Variants in CLCN3 observed in about 807,000 individuals in gnomAD.
The protein encoded by CLCN3 is Cl-/H+ antiporter 3.
Under a neutral mutation model 83.4 loss-of-function variants are expected in CLCN3, and 16 were observed. The observed-to-expected ratio is 0.19, with a 90% CI of 0.13 to 0.29. The LOEUF (loss-of-function observed/expected upper bound fraction) is 0.29, where lower values mean the gene tolerates loss of function less well. CLCN3 is among the 10% of genes least tolerant of loss of function. The probability of loss-of-function intolerance (pLI) is 1.00; values close to 1 mark genes in which losing one functional copy is unlikely to be tolerated. For missense variants in CLCN3, 544 were observed against 1,006.0 expected, an observed-to-expected ratio of 0.54 and a Z score of 6.21; for synonymous variants, 322 against 346.2, an observed-to-expected ratio of 0.93 and a Z score of 0.78.
At chr4:169,682,766 G>T (rs1166719132) in intron 3 of CLCN3, among the ~76,000 whole-genome samples, 1 of 152,190 alleles carries the variant, frequency 6.6e-6, no homozygotes, top group Non-Finnish European at 1.5e-5. Context: ...TTACTGGGAA[G>T]CATGGCAGTC....
chr4:169,708,339 C>T (rs1435395256), intron 11 of CLCN3, among the ~76,000 whole-genome samples: 1 of 152,086 alleles, frequency 6.6e-6, no homozygotes, highest in Non-Finnish European at 1.5e-5. Context: ...GAAAAAAGAT[C>T]CTACAGAGAA....
intron 2 of CLCN3, among the ~76,000 whole-genome samples, chr4:169,664,256 T>C (rs1283895129): frequency 2.6e-5 from 4 of 152,152 alleles, no homozygotes; most frequent in Non-Finnish European, 4.4e-5. Context: ...AAATAAAAGT[T>C]TGGGGTCTTA....
Position 169,720,796 on chromosome 4 carries a change from G to T in CLCN3, c.*799G>T, listed in dbSNP as rs1733609602. The T allele has an allele frequency of 6.6e-6, 1 of 152,628 alleles. No individual in the cohort carries two copies. The highest frequency in any genetic ancestry group is 2.1e-4 in the South Asian group (1 of 4,824). 9.5% of individuals were successfully genotyped at this position (152,628 alleles called of 1,614,324 possible). On this transcript the variant is annotated 3_prime_UTR_variant, in exon 13 of 13. Coordinates refer to ENST00000513761, the MANE Select transcript of CLCN3 (RefSeq NM_001829.4). ...AAGCGAGAACGAAATCTCTCATTGT[G>T]TGCCGTGTGGCTCAAAACCGAAAAC...
At chr4:169,679,981 C>T in intron 2 of CLCN3, 69 bp from the exon 3 acceptor site, 2 of 1,220,648 alleles carry the variant, frequency 1.6e-6, no homozygotes, top group Admixed American at 1.8e-5. Flanking sequence ...TAATGAATTT[C>T]TAAGAAGGTC....
chr4:169,664,599 A>G (rs184274406), intron 2 of CLCN3, among the ~76,000 whole-genome samples: 2 of 152,330 alleles, frequency 1.3e-5, no homozygotes, highest in African/African-American at 4.8e-5. Flanking sequence ...GAACAACTAA[A>G]GATTCTTTAT....
In CLCN3 at chr4:169,651,656, A is replaced by T. The variant is rs549975430; in HGVS notation, c.160+15568A>T. Among the ~76,000 whole-genome samples, 15 of 152,294 alleles carry T rather than the reference A, an allele frequency of 9.8e-5. No homozygotes were observed. The East Asian group carries it at 2.9e-3, about 29-fold the overall frequency. ...ACTGTATTGCTCAGGGAATCATGACAAGAAGAAGAAGCCTGTTCATGTTCA... is the reference window on the plus strand; with the variant it reads ...ACTGTATTGCTCAGGGAATCATGACTAGAAGAAGAAGCCTGTTCATGTTCA... On this transcript the variant is annotated intron_variant, in intron 2 of 12. Coordinates refer to ENST00000513761, the MANE Select transcript of CLCN3 (RefSeq NM_001829.4).
intron 1 of CLCN3, among the ~76,000 whole-genome samples, chr4:169,628,235 G>A (rs1773283378): frequency 6.6e-6 from 1 of 152,144 alleles, no homozygotes; most frequent in African/African-American, 2.4e-5. Flanking sequence ...AAAATTTTGG[G>A]GAGGTAGGGT....
chr4:169,713,357 T>A (rs1218013875), intron 12 of CLCN3, 62 bp downstream of exon 12: 14 of 1,315,666 alleles, frequency 1.1e-5, no homozygotes, highest in South Asian at 7.1e-5. Flanking sequence ...TTTAGTGGAA[T>A]CTATATAGTT....
chr4:169,687,840 G>T, intron 4 of CLCN3, 83 bp downstream of exon 4: 1 of 655,226 alleles, frequency 1.5e-6, no homozygotes. Context: ...TTTTTTTTCA[G>T]GTACCATTGG....
chr4:169,703,954 A>G, intron 9 of CLCN3, 44 bp from the exon 10 acceptor site: 1 of 1,571,616 alleles, frequency 6.4e-7, no homozygotes, highest in South Asian at 1.1e-5. Context: ...CAGGCATGTG[A>G]GTAGAGGATC....
chr4:169,697,286 G>C lies in CLCN3; in HGVS notation c.1115G>C (p.Ser372Thr). The C allele has an allele frequency of 6.2e-7, 1 of 1,613,930 alleles. No individual in the cohort carries two copies. The highest frequency in any genetic ancestry group is 8.5e-7 in the Non-Finnish European group (1 of 1,179,980). The part of the protein sequence containing the change: ...VLRSINPFGN[S>T]RLVLFYVEYH... ...AGGTCCATCAATCCATTTGGTAACA[G>C]CCGTCTGGTCCTTTTTTATGTGGAG... is the stretch of plus-strand genomic sequence containing the variant. Residue 372 changes from serine (S) to threonine (T), a missense_variant, in exon 9 of 13, where the codon AGC (serine) becomes ACC (threonine). Coordinates refer to ENST00000513761, the MANE Select transcript of CLCN3 (RefSeq NM_001829.4).
At chr4:169,629,642 A>G (rs915852053) in intron 1 of CLCN3, among the ~76,000 whole-genome samples, 9 of 152,192 alleles carry the variant, frequency 5.9e-5, no homozygotes, top group African/African-American at 2.2e-4. Flanking sequence ...AAGTGCCGAG[A>G]TTACAGCTGT....
chr4:169,666,387 A>T (rs1287690889), intron 2 of CLCN3, among the ~76,000 whole-genome samples: 2 of 152,220 alleles, frequency 1.3e-5, no homozygotes, highest in Non-Finnish European at 2.9e-5. Flanking sequence ...GTGGCATAAG[A>T]TGTCGGGAAC....
At chr4:169,717,964 T>C (rs1733488056) in intron 12 of CLCN3, 4 of 704,958 alleles carry the variant, frequency 5.7e-6, no homozygotes, top group Middle Eastern at 4.9e-4. Flanking sequence ...AGATATCTGC[T>C]GAACAAAAAT....
chr4:169,718,625 A>G (rs919579699), intron 12 of CLCN3, among the ~76,000 whole-genome samples: 6 of 152,198 alleles, frequency 3.9e-5, no homozygotes, highest in African/African-American at 1.4e-4. Context: ...AATTTGAATT[A>G]TCTTACTGCA....
intron 2 of CLCN3, among the ~76,000 whole-genome samples, chr4:169,669,703 T>C (rs1731386180): frequency 6.6e-6 from 1 of 152,194 alleles, no homozygotes; most frequent in East Asian, 1.9e-4. Context: ...GTTTAATAGT[T>C]CTAACCTCTT....
intron 9 of CLCN3, among the ~76,000 whole-genome samples, chr4:169,703,314 A>T (rs546288231): frequency 1.3e-5 from 2 of 152,368 alleles, no homozygotes; most frequent in East Asian, 3.9e-4. Flanking sequence ...AAAGCATAGT[A>T]AAACAAGATA....
intron 1 of CLCN3, among the ~76,000 whole-genome samples, chr4:169,630,729 A>G (rs1773348186): frequency 6.6e-6 from 1 of 152,048 alleles, no homozygotes; most frequent in South Asian, 2.1e-4. Context: ...GGGTTTCACC[A>G]TGTTGGCCAG....
chr4:169,713,323 C>G lies in CLCN3; in HGVS notation c.2366+28C>G, dbSNP rs377746375. On this transcript the variant is annotated intron_variant, in intron 12 of 12. Coordinates refer to ENST00000513761, the MANE Select transcript of CLCN3 (RefSeq NM_001829.4). ...AAGTCTGGTACCACAGGAATCAGTT[C>G]ACTTGCTAGAATATAGGATCCTTTT... The G allele has an allele frequency of 2.6e-6, 4 of 1,525,574 alleles. 1 individual carries two copies. The highest frequency in any genetic ancestry group is 4.5e-5 in the East Asian group (2 of 44,478). 94.5% of individuals were successfully genotyped at this position (1,525,574 alleles called of 1,614,324 possible).
Sources: allele counts gnomAD v4.1 joint callset (sites outside exome capture counted in the v4.1 genomes callset), GRCh38; gene constraint gnomAD v4.1.1; transcripts MANE v1.5; gene names NCBI Gene and HGNC (gene_info 2026-07-23, HGNC 2026-07-21).